ASXL3: variants seen among roughly 807,000 people sequenced by gnomAD.
ASXL3 encodes ASXL transcriptional regulator 3.
ASXL3 carries 34 observed loss-of-function variants against 170.6 expected under a neutral mutation model. The observed-to-expected ratio is 0.20, with a 90% CI of 0.15 to 0.27. The LOEUF (loss-of-function observed/expected upper bound fraction) is 0.27, where lower values mean the gene tolerates loss of function less well. Ranked by LOEUF, ASXL3 falls within the 10% of genes least tolerant of loss-of-function variation. The probability of loss-of-function intolerance (pLI) is 1.00; values close to 1 mark genes in which losing one functional copy is unlikely to be tolerated. For missense variants in ASXL3, 2,592 were observed against 2,695.3 expected (o/e 0.96, Z 0.85); for synonymous variants, 1,002 against 989.1 (o/e 1.01, Z -0.24).
chr18:33,664,743 A>T (rs894684338), intron 5 of ASXL3, among the ~76,000 whole-genome samples: 2 of 152,230 alleles, frequency 1.3e-5, no homozygotes, highest in African/African-American at 2.4e-5. Context: ...ACATGTTTAC[A>T]GGGCTCTTTG....
intron 2 of ASXL3, among the ~76,000 whole-genome samples, chr18:33,636,324 C>A (rs2065763364): frequency 9.5e-6 from 1 of 104,980 alleles, no homozygotes; most frequent in Non-Finnish European, 2.0e-5. Flanking sequence ...ACAACAACAA[C>A]AACAACAACA....
intron 4 of ASXL3, chr18:33,649,683 G>A (rs4444409): frequency 0.51 from 77,363 of 152,012 alleles, 20,139 homozygotes; most frequent in East Asian, 0.79. Flanking sequence ...GGAGTTAAGG[G>A]TATATGAAGT....
chr18:33,599,433 G>T (rs1282442852), intron 1 of ASXL3, among the ~76,000 whole-genome samples: 1 of 152,094 alleles, frequency 6.6e-6, no homozygotes, highest in Non-Finnish European at 1.5e-5. Context: ...TCTGAAAAGA[G>T]ATCCCAGTGG....
At chr18:33,581,731 C>T (rs2064994062) in intron 1 of ASXL3, among the ~76,000 whole-genome samples, 1 of 152,020 alleles carries the variant, frequency 6.6e-6, no homozygotes, top group Non-Finnish European at 1.5e-5. Context: ...TCTGGAGTGG[C>T]AACTTTAGGG....
intron 8 of ASXL3, among the ~76,000 whole-genome samples, chr18:33,716,683 A>G (rs970423842): frequency 6.6e-6 from 1 of 152,160 alleles, no homozygotes; most frequent in African/African-American, 2.4e-5. Context: ...CCGTACCCTT[A>G]TAGTGTTCTA....
Position 33,743,603 on chromosome 18 carries a change from A to G in ASXL3, c.3755A>G (p.His1252Arg), listed in dbSNP as rs1265291659. The change falls in exon 12 of 12, where the codon CAT becomes CGT. Residue 1252 changes from histidine to arginine, a missense_variant. By Grantham distance (29) the His-to-Arg change is conservative. This residue lies in a region of ASXL3 where 2,246 missense variants were observed against 2,219.6 expected (regional missense o/e 1.01). Transcript: ENST00000269197. ...STAISGAIKE[H>R]PFVSSVDKSS... ...GCTATATCGGGAGCAATTAAAGAAC[A>G]TCCCTTTGTGAGTTCTGTTGATAAA... 1.2e-6 allele frequency: 2 copies of G among 1,613,438 alleles called. No homozygotes were observed. Among genetic ancestry groups the G allele is most frequent in the East Asian group, 4.5e-5 (2 of 44,882 alleles).
intron 1 of ASXL3, among the ~76,000 whole-genome samples, chr18:33,596,640 C>G (rs1356794635): frequency 1.3e-5 from 2 of 152,122 alleles, no homozygotes; most frequent in Non-Finnish European, 1.5e-5. Context: ...AATAATTTTT[C>G]TGACTCAGAT....
At chr18:33,591,464 C>T (rs1374953835) in intron 1 of ASXL3, among the ~76,000 whole-genome samples, 6 of 152,110 alleles carry the variant, frequency 3.9e-5, no homozygotes, top group African/African-American at 1.4e-4. Flanking sequence ...AAAATATTAT[C>T]TCCTATTCTC....
In ASXL3 at chr18:33,745,941, G is replaced by A; in HGVS notation, c.6093G>A (p.Leu2031=). ...PPPPPPPPLA[L]PPPPPPPPPL... is the part of the protein sequence containing the mutation. ...CCCCTCCCCCTCCACCCTTGGCTTT[G>A]CCCCCGCCTCCCCCCCCACCACCTC... is the stretch of plus-strand genomic sequence containing the variant. Residue 2031 remains leucine (L), a synonymous_variant, in exon 12 of 12, where the codon TTG becomes TTA. Coordinates refer to ENST00000269197, the MANE Select transcript of ASXL3 (RefSeq NM_030632.3). 1 of 640,200 alleles carries A rather than the reference G, an allele frequency of 1.6e-6. No homozygotes were observed. Among genetic ancestry groups the A allele is most frequent in the Non-Finnish European group, 2.0e-6 (1 of 498,262 alleles). The allele number at this position is 640,200 out of a possible 1,614,324, so 39.7% of individuals were successfully genotyped here. A position where few individuals can be genotyped will look rare whatever the true frequency, so the allele number is the denominator to read the frequency against.
At chr18:33,607,727 C>T in intron 2 of ASXL3, 51 bp downstream of exon 2, 1 of 1,374,880 alleles carries the variant, frequency 7.3e-7, no homozygotes, top group Non-Finnish European at 1.0e-6. Context: ...TAATAATTGC[C>T]ACTCGTTGCT....
chr18:33,713,953 C>T (rs1316122041), intron 8 of ASXL3, among the ~76,000 whole-genome samples: 1 of 152,168 alleles, frequency 6.6e-6, no homozygotes, highest in African/African-American at 2.4e-5. Flanking sequence ...ATGCTGGTCT[C>T]AAGTCATCAT....
chr18:33,710,719 G>A (rs2067044904), intron 8 of ASXL3, among the ~76,000 whole-genome samples: 1 of 151,924 alleles, frequency 6.6e-6, no homozygotes, highest in African/African-American at 2.4e-5. Flanking sequence ...ATTGGTGAAG[G>A]TTAACCGTTT....
At chr18:33,729,244 A>C (rs2067402110) in intron 8 of ASXL3, among the ~76,000 whole-genome samples, 1 of 152,232 alleles carries the variant, frequency 6.6e-6, no homozygotes, top group African/African-American at 2.4e-5. Flanking sequence ...GAAAATGTGT[A>C]GAATGAGCCA....
chr18:33,670,815 T>C, intron 6 of ASXL3, 25 bp downstream of exon 6: 1 of 1,439,354 alleles, frequency 6.9e-7, no homozygotes, highest in Non-Finnish European at 9.4e-7. Flanking sequence ...TATCATATGC[T>C]TGGCCAGTTT....
At chr18:33,660,028 T>C (rs2066146539) in intron 4 of ASXL3, among the ~76,000 whole-genome samples, 1 of 152,146 alleles carries the variant, frequency 6.6e-6, no homozygotes, top group Non-Finnish European at 1.5e-5. Flanking sequence ...ATATTTTCTG[T>C]ATCAGATCTT....
chr18:33,707,177 A>G (rs1421430308), intron 8 of ASXL3, among the ~76,000 whole-genome samples: 2 of 151,920 alleles, frequency 1.3e-5, no homozygotes, highest in Non-Finnish European at 2.9e-5. Context: ...GTAGCTCACT[A>G]TCTTTGTTCT....
At chr18:33,717,394 T>C (rs1344078669) in intron 8 of ASXL3, among the ~76,000 whole-genome samples, 1 of 152,174 alleles carries the variant, frequency 6.6e-6, no homozygotes, top group African/African-American at 2.4e-5. Flanking sequence ...TTATTATATA[T>C]TAATTTTTTA....
At chr18:33,586,000 CATA>C (rs2065031390) in intron 1 of ASXL3, among the ~76,000 whole-genome samples, 1 of 152,048 alleles carries the variant, frequency 6.6e-6, no homozygotes, top group Non-Finnish European at 1.5e-5. Context: ...CAAAGTCAAT[CATA>C]ATTATTTATG....
At chr18:33,697,779 G>A (rs542342335) in intron 8 of ASXL3, among the ~76,000 whole-genome samples, 3 of 151,990 alleles carry the variant, frequency 2.0e-5, no homozygotes, top group Non-Finnish European at 4.4e-5. Context: ...CAAGGGGAAA[G>A]GATGACTTGA....
Sources: allele counts gnomAD v4.1 joint callset (sites outside exome capture counted in the v4.1 genomes callset), GRCh38; gene constraint gnomAD v4.1.1; regional missense constraint gnomAD v4.1.1; transcripts MANE v1.5; gene names NCBI Gene and HGNC (gene_info 2026-07-23, HGNC 2026-07-21).